Variants in NAALADL2 observed in about 807,000 individuals in gnomAD.
The protein encoded by NAALADL2 is inactive N-acetylated-alpha-linked acidic dipeptidase-like protein 2.
Under a neutral mutation model 87.2 loss-of-function variants are expected in NAALADL2, and 76 were observed. The ratio of observed to expected loss-of-function variants is 0.87; its 90% CI spans 0.72 to 1.05. The LOEUF is 1.05. NAALADL2 is among the 50% of genes least tolerant of loss of function. NAALADL2 has a pLI of 0.00. For synonymous variants in NAALADL2, 354 were observed against 331.0 expected (o/e 1.07, Z -0.75); for missense variants, 1,089 against 945.8 (o/e 1.15, Z -1.99).
chr3:174,595,128 T>A (rs1235143275), intron 2 of NAALADL2, among the ~76,000 whole-genome samples: 1 of 152,164 alleles, frequency 6.6e-6, no homozygotes, highest in Non-Finnish European at 1.5e-5. Flanking sequence ...CTACCCATAT[T>A]CAGTCACTAA....
At position 175,784,134 on chromosome 3, in the gene NAALADL2, G is replaced by T. The variant is rs1174922387; in HGVS notation, c.2190-18871G>T. On this transcript the variant is annotated intron_variant, in intron 13 of 13. Coordinates refer to ENST00000454872, the MANE Select transcript of NAALADL2 (RefSeq NM_207015.3). ...ATTTTATTGAGGATTTTTGCATCAA[G>T]GTTCATCAAGGATATTGGTCTAAAA... Among the ~76,000 whole-genome samples, 343 of 148,798 alleles carry T rather than the reference G, an allele frequency of 2.3e-3. 2 individuals are homozygous for T. Among genetic ancestry groups the T allele is most frequent in the African/African-American group, 8.4e-3 (326 of 38,788 alleles).
At chr3:175,243,329 C>CAT (rs1437550595) in intron 3 of NAALADL2, among the ~76,000 whole-genome samples, 1 of 151,120 alleles carries the variant, frequency 6.6e-6, no homozygotes, top group Non-Finnish European at 1.5e-5. Context: ...GAAACACACA[C>CAT]ACACACACAC....
intron 2 of NAALADL2, among the ~76,000 whole-genome samples, chr3:175,150,307 A>G (rs570218151): frequency 6.6e-6 from 1 of 152,252 alleles, no homozygotes; most frequent in African/African-American, 2.4e-5. Context: ...TCTTGGTTTC[A>G]CACTCTATCC....
chr3:174,837,867 C>A (rs113213677), intron 3 of NAALADL2, among the ~76,000 whole-genome samples: 15,816 of 151,698 alleles, frequency 0.1, 957 homozygotes, highest in Middle Eastern at 0.15. Flanking sequence ...CAGACAGATT[C>A]ACAGCAGAAT....
At chr3:174,455,369 A>C (rs1715765603) in intron 1 of NAALADL2, among the ~76,000 whole-genome samples, 1 of 152,206 alleles carries the variant, frequency 6.6e-6, no homozygotes, top group South Asian at 2.1e-4. Context: ...ACTCCTCTCT[A>C]ACTCATTCCA....
At chr3:174,476,787 T>A (rs977582065) in intron 1 of NAALADL2, among the ~76,000 whole-genome samples, 3 of 152,104 alleles carry the variant, frequency 2.0e-5, no homozygotes, top group Non-Finnish European at 4.4e-5. Context: ...TTCTTTCTTA[T>A]CAGAGGATAT....
At chr3:174,670,036 G>T (rs1041121199) in intron 2 of NAALADL2, among the ~76,000 whole-genome samples, 9 of 151,688 alleles carry the variant, frequency 5.9e-5, no homozygotes, top group Non-Finnish European at 1.5e-5. Flanking sequence ...TTATTTTTCT[G>T]ATTTTTCATT....
intron 1 of NAALADL2, among the ~76,000 whole-genome samples, chr3:174,550,033 T>A (rs1711935065): frequency 6.6e-6 from 1 of 152,184 alleles, no homozygotes; most frequent in African/African-American, 2.4e-5. Flanking sequence ...TTTCTTGAGA[T>A]CATATTGTTT....
chr3:175,023,242 G>A (rs560157360), intron 1 of NAALADL2, among the ~76,000 whole-genome samples: 245 of 146,114 alleles, frequency 1.7e-3, no homozygotes, highest in Non-Finnish European at 2.9e-3. Flanking sequence ...GTATCCATTG[G>A]GGATAAATAA....
intron 1 of NAALADL2, among the ~76,000 whole-genome samples, chr3:174,993,930 T>C (rs1461963442): frequency 6.6e-6 from 1 of 152,164 alleles, no homozygotes; most frequent in Non-Finnish European, 1.5e-5. Context: ...GTCTCTGGGA[T>C]CCATGATCAC....
chr3:175,356,091 A>G (rs1176351528), intron 5 of NAALADL2, among the ~76,000 whole-genome samples: 1 of 152,144 alleles, frequency 6.6e-6, no homozygotes, highest in East Asian at 1.9e-4. Flanking sequence ...GACCTTGGAA[A>G]CCGAGGAAGA....
intron 1 of NAALADL2, among the ~76,000 whole-genome samples, chr3:174,948,255 C>T (rs559421262): frequency 1.3e-5 from 2 of 152,216 alleles, no homozygotes; most frequent in South Asian, 4.1e-4. Context: ...CCGCTCACTG[C>T]AACTTCCACC....
intron 9 of NAALADL2, among the ~76,000 whole-genome samples, chr3:175,527,946 T>C (rs1439632067): frequency 6.6e-6 from 1 of 152,046 alleles, no homozygotes. Context: ...CTCCTAGGGG[T>C]TGAAGGTCCA....
chr3:175,490,582 A>G (rs963579382), intron 9 of NAALADL2, among the ~76,000 whole-genome samples: 1 of 149,124 alleles, frequency 6.7e-6, no homozygotes, highest in Non-Finnish European at 1.5e-5. Flanking sequence ...TTTTTACTAG[A>G]GACATGGTTT....
At chr3:174,902,834 A>G (rs1050518823) in intron 1 of NAALADL2, among the ~76,000 whole-genome samples, 2 of 152,106 alleles carry the variant, frequency 1.3e-5, no homozygotes, top group Admixed American at 6.6e-5. Context: ...ATATAGATGG[A>G]GCTTCTGAGA....
At chr3:174,783,829 A>AAGGTT (rs757790675) in intron 3 of NAALADL2, among the ~76,000 whole-genome samples, 23 of 152,044 alleles carry the variant, frequency 1.5e-4, no homozygotes, top group Non-Finnish European at 2.4e-4. Flanking sequence ...TTAATATCAG[A>AAGGTT]AGGTTTGGAG....
intron 9 of NAALADL2, among the ~76,000 whole-genome samples, chr3:175,480,564 G>A (rs1726309607): frequency 1.3e-5 from 2 of 151,754 alleles, no homozygotes; most frequent in African/African-American, 4.8e-5. Context: ...AAGTAATCCA[G>A]AATTATTTAC....
At position 175,249,643 on chromosome 3, in the gene NAALADL2, C is replaced by T. The variant is rs541594413; in HGVS notation, c.820-6768C>T. 4.0e-3 allele frequency among the ~76,000 whole-genome samples: 613 copies of T among 151,976 alleles called. 1 individual carries two copies. Among genetic ancestry groups the T allele is most frequent in the Non-Finnish European group, 6.9e-3 (470 of 67,962 alleles). ...GTTGGAAGTTATTTTTTATTAACTT[C>T]CAAGTAGTTTTGTTCCTCCCAGTAT... On this transcript the variant is annotated intron_variant, in intron 3 of 13. Coordinates refer to ENST00000454872, the MANE Select transcript of NAALADL2 (RefSeq NM_207015.3).
chr3:175,793,980 C>T (rs1753144910), intron 13 of NAALADL2, among the ~76,000 whole-genome samples: 3 of 152,120 alleles, frequency 2.0e-5, no homozygotes, highest in Non-Finnish European at 4.4e-5. Context: ...AGTCCACATC[C>T]TTCTCATTAT....
Sources: allele counts gnomAD v4.1 joint callset (sites outside exome capture counted in the v4.1 genomes callset), GRCh38; gene constraint gnomAD v4.1.1; transcripts MANE v1.5; gene names NCBI Gene and HGNC (gene_info 2026-07-23, HGNC 2026-07-21).